The following ACO1 variants were observed in gnomAD, a reference collection of about 807,000 sequenced individuals.
ACO1 encodes cytoplasmic aconitate hydratase.
A neutral mutation model predicts 105.1 loss-of-function variants in ACO1; 78 were observed. The ratio of observed to expected loss-of-function variants is 0.74; its 90% CI spans 0.62 to 0.90. The LOEUF (loss-of-function observed/expected upper bound fraction) is 0.90, where lower values mean the gene tolerates loss of function less well. Ranked by LOEUF, ACO1 falls within the 40% of genes least tolerant of loss-of-function variation. ACO1 has a pLI of 0.00. For missense variants in ACO1, 965 were observed against 1,111.1 expected (o/e 0.87, Z 1.87); for synonymous variants, 364 against 397.4 (o/e 0.92, Z 1.00).
At chr9:32,386,382 C>CT (rs1342913882) in intron 1 of ACO1, 1 of 152,248 alleles carries the variant, frequency 6.6e-6, no homozygotes, top group African/African-American at 2.4e-5. Flanking sequence ...GGGTGTCACT[C>CT]TGAGTGGTGC....
chr9:32,440,920 A>C (rs554591201), intron 19 of ACO1, among the ~76,000 whole-genome samples: 1 of 152,254 alleles, frequency 6.6e-6, no homozygotes, highest in South Asian at 2.1e-4. Flanking sequence ...CATGGCTTTT[A>C]TAACATTCTC....
intron 18 of ACO1, among the ~76,000 whole-genome samples, chr9:32,436,712 A>G (rs1822370010): frequency 6.6e-6 from 1 of 152,232 alleles, no homozygotes; most frequent in South Asian, 2.1e-4. Context: ...TTTATCAAGA[A>G]GTGCTATTGT....
intron 1 of ACO1, among the ~76,000 whole-genome samples, chr9:32,387,710 T>G (rs187861418): frequency 6.6e-6 from 1 of 152,326 alleles, no homozygotes; most frequent in African/African-American, 2.4e-5. Context: ...TGGGTTATGG[T>G]TATACAGTTT....
At chr9:32,431,866 C>A in intron 15 of ACO1, 23 bp downstream of exon 15, 1 of 1,613,222 alleles carries the variant, frequency 6.2e-7, no homozygotes, top group South Asian at 1.1e-5. Context: ...ACTGCCCTCC[C>A]CGCCCCAGAG....
At chr9:32,413,207 C>T (rs1821776892) in intron 4 of ACO1, among the ~76,000 whole-genome samples, 1 of 152,168 alleles carries the variant, frequency 6.6e-6, no homozygotes, top group Admixed American at 6.5e-5. Context: ...TGAACACTAG[C>T]CGGGGCGGTG....
At position 32,405,537 on chromosome 9, in the gene ACO1, C is replaced by T. The variant is rs1287525535; in HGVS notation, c.31C>T (p.Pro11Ser). 6.2e-7 allele frequency: 1 copy of T among 1,613,826 alleles called. No individual in the cohort carries two copies. Among genetic ancestry groups the T allele is most frequent in the Non-Finnish European group, 8.5e-7 (1 of 1,179,948 alleles). The change falls in exon 2 of 21, where the codon CCA becomes TCA. Residue 11 changes from proline (P) to serine (S), a missense_variant. Transcript: ENST00000309951. MSNPFAHLAE[P>S]LDPVQPGKKF... Reference sequence around the variant, plus strand: ...CAACCCATTCGCACACCTTGCTGAGCCATTGGATCCTGTACAACCAGGAAA... The same window carrying T: ...CAACCCATTCGCACACCTTGCTGAGTCATTGGATCCTGTACAACCAGGAAA...
rs181027793 is a variant in ACO1 at position 32,439,496 on chromosome 9, T to G, written c.2248-969T>G. The stretch of plus-strand genomic sequence containing the variant: ...TTCTGACTTACATAGCCTGGAAAAA[T>G]AATGGTACTGCTCAACCACCAGAGA... On this transcript the variant is annotated intron_variant, in intron 18 of 20. Transcript: ENST00000309951. The surrounding 1 kb of genome is among the most constrained non-coding windows in gnomAD (Gnocchi z 4.0). 2.2e-4 allele frequency among the ~76,000 whole-genome samples: 33 copies of G among 152,332 alleles called. No individual in the cohort carries two copies. Among genetic ancestry groups the G allele is most frequent in the Non-Finnish European group, 3.2e-4 (22 of 68,034 alleles).
At chr9:32,414,268 G>A (rs1821803760) in intron 4 of ACO1, among the ~76,000 whole-genome samples, 2 of 152,192 alleles carry the variant, frequency 1.3e-5, no homozygotes, top group South Asian at 2.1e-4. Flanking sequence ...CTCAGAAACT[G>A]AACTACATTC....
intron 4 of ACO1, among the ~76,000 whole-genome samples, chr9:32,414,862 T>G (rs950014527): frequency 7.2e-5 from 11 of 152,150 alleles, no homozygotes; most frequent in African/African-American, 2.7e-4. Context: ...GTGCCAGTAT[T>G]TATTCCAGAA....
At chr9:32,449,570 A>G (rs1420714247) in intron 20 of ACO1, among the ~76,000 whole-genome samples, 1 of 152,196 alleles carries the variant, frequency 6.6e-6, no homozygotes, top group East Asian at 1.9e-4. Context: ...GAGGCAGTGC[A>G]AAAGTCTGTG....
intron 4 of ACO1, among the ~76,000 whole-genome samples, chr9:32,415,912 C>T (rs1162724329): frequency 2.0e-5 from 3 of 152,002 alleles, no homozygotes; most frequent in Non-Finnish European, 4.4e-5. Context: ...TAAAAATCAT[C>T]CTTCATTTGA....
Position 32,430,556 on chromosome 9 carries a change from T to A in ACO1, c.1708T>A (p.Phe570Ile), listed in dbSNP as rs769809176. 6.2e-7 allele frequency: 1 copy of A among 1,605,684 alleles called. No homozygotes were observed. The highest frequency in any genetic ancestry group is 8.5e-7 in the Non-Finnish European group (1 of 1,176,666). The change falls in exon 14 of 21, where the codon TTT (phenylalanine) becomes ATT (isoleucine). Residue 570 changes from phenylalanine (F) to isoleucine (I), a missense_variant. Transcript: ENST00000309951. ...AATTGCTGGAACCATCAGAATCGAC[T>A]TTGAGAAAGAGCCATTGGGTAAGAT... ...YAIAGTIRID[F>I]EKEPLGVNAK...
intron 8 of ACO1, among the ~76,000 whole-genome samples, chr9:32,421,725 G>A (rs1381568180): frequency 1.3e-5 from 2 of 152,132 alleles, no homozygotes; most frequent in Non-Finnish European, 2.9e-5. Flanking sequence ...CTGCGCTCCA[G>A]CCTAGCCAAC....
At position 32,426,889 on chromosome 9, in the gene ACO1, C is replaced by G. The variant is rs539999307; in HGVS notation, c.1349-412C>G. Reference sequence around the variant, plus strand: ...TTCTTGGCTGACCGTTCCTTGCCAGCCAGCACACAGCTGATATAGTTTCAG... The same window carrying G: ...TTCTTGGCTGACCGTTCCTTGCCAGGCAGCACACAGCTGATATAGTTTCAG... On this transcript the variant is annotated intron_variant, in intron 11 of 20. Transcript: ENST00000309951. 1.4e-3 allele frequency among the ~76,000 whole-genome samples: 207 copies of G among 152,234 alleles called. 1 individual carries two copies. The highest frequency in any genetic ancestry group is 4.7e-3 in the African/African-American group (197 of 41,526).
intron 4 of ACO1, among the ~76,000 whole-genome samples, chr9:32,410,383 CCCAT>C (rs1171655457): frequency 6.6e-6 from 1 of 151,840 alleles, no homozygotes; most frequent in Non-Finnish European, 1.5e-5. Context: ...ATGTTGAAAC[CCCAT>C]CTCTACTAAA....
At chr9:32,389,411 T>C (rs1404423590) in intron 1 of ACO1, among the ~76,000 whole-genome samples, 1 of 152,208 alleles carries the variant, frequency 6.6e-6, no homozygotes, top group Non-Finnish European at 1.5e-5. Context: ...ACCTGGTATG[T>C]TGAGGACAGT....
At chr9:32,440,691 AGC>A in intron 19 of ACO1, 104 bp downstream of exon 19, 5 of 1,440,060 alleles carry the variant, frequency 3.5e-6, no homozygotes, top group Admixed American at 4.9e-5. Flanking sequence ...GTCAAGGAAG[AGC>A]AAGCTCAAAA....
intron 1 of ACO1, among the ~76,000 whole-genome samples, chr9:32,399,434 T>C (rs1384321361): frequency 2.0e-5 from 3 of 152,236 alleles, no homozygotes; most frequent in Non-Finnish European, 2.9e-5. Flanking sequence ...TTCTATTGCC[T>C]GGTTTGAGTA....
chr9:32,405,194 C>T (rs1294411112), intron 1 of ACO1, among the ~76,000 whole-genome samples: 2 of 152,204 alleles, frequency 1.3e-5, no homozygotes, highest in Non-Finnish European at 2.9e-5. Context: ...GTACCTGTGG[C>T]GTGTCCTGTC....
Sources: gnomAD v4.1 joint callset for allele counts (sites outside exome capture counted in the v4.1 genomes callset) on GRCh38, gnomAD v4.1.1 for gene constraint, Gnocchi (gnomAD v3.1) non-coding constraint, MANE v1.5 for transcripts, NCBI Gene and HGNC (gene_info 2026-07-23, HGNC 2026-07-21) for gene names.